The following MSANTD4 variants were observed in gnomAD, a reference collection of about 807,000 sequenced individuals.
The protein encoded by MSANTD4 is myb/SANT-like DNA-binding domain-containing protein 4.
Under a neutral mutation model 34.3 loss-of-function variants are expected in MSANTD4, and 13 were observed. The observed-to-expected ratio is 0.38, with a 90% CI of 0.25 to 0.60. MSANTD4 has a LOEUF of 0.60. MSANTD4 is among the 20% of genes least tolerant of loss of function. The pLI is 0.63. For synonymous variants in MSANTD4, 137 were observed against 145.2 expected (o/e 0.94, Z 0.41); for missense variants, 358 against 401.8 (o/e 0.89, Z 0.93).
intron 1 of MSANTD4, among the ~76,000 whole-genome samples, chr11:106,015,386 C>G (rs886838247): frequency 2.6e-5 from 4 of 152,206 alleles, no homozygotes; most frequent in African/African-American, 9.7e-5. Flanking sequence ...AGAACAGTTC[C>G]TGGTGCACAT....
At chr11:106,015,856 A>G (rs1478482526) in intron 1 of MSANTD4, among the ~76,000 whole-genome samples, 1 of 152,126 alleles carries the variant, frequency 6.6e-6, no homozygotes, top group African/African-American at 2.4e-5. Context: ...ACACTGTAGA[A>G]TGCTTATAAT....
rs772852534 is a variant in MSANTD4, at chr11:106,009,924, G to A, written c.649C>T (p.Arg217Ter). Residue 217 changes from arginine (R) to a stop codon, truncating the protein, a stop_gained, in exon 3 of 3, where the codon CGA (arginine) becomes TGA (stop). Coordinates refer to ENST00000301919, the MANE Select transcript of MSANTD4 (RefSeq NM_032424.3). LOFTEE classifies it high-confidence loss of function. ...IEKQKLELEKRRLDIEAERLQ... is the reference protein window; with the variant it reads ...IEKQKLELEK Reference sequence around the variant, plus strand: ...CTTTCGGCCTCGATATCCAGTCGTCGTTTTTCCAACTCTAGTTTCTGTTTC... The same window carrying A: ...CTTTCGGCCTCGATATCCAGTCGTCATTTTTCCAACTCTAGTTTCTGTTTC... 5 of 1,613,632 alleles carry A rather than the reference G, an allele frequency of 3.1e-6. No individual in the cohort carries two copies. Among genetic ancestry groups the A allele is most frequent in the South Asian group, 2.2e-5 (2 of 91,014 alleles).
intron 1 of MSANTD4, among the ~76,000 whole-genome samples, chr11:106,012,469 A>G (rs906021773): frequency 6.6e-6 from 1 of 152,352 alleles, no homozygotes; most frequent in Non-Finnish European, 1.5e-5. Flanking sequence ...GAAAGTACGT[A>G]TACTTGGAGT....
chr11:106,012,050 A>G (rs1169659786), intron 1 of MSANTD4, among the ~76,000 whole-genome samples: 1 of 152,098 alleles, frequency 6.6e-6, no homozygotes, highest in African/African-American at 2.4e-5. Context: ...TTAAAGGGGT[A>G]ACAAAAAAAT....
chr11:106,010,854 T>C lies in MSANTD4; in HGVS notation c.64A>G (p.Lys22Glu). Residue 22 changes from lysine to glutamate, a missense_variant, in exon 2 of 3, where the codon AAA becomes GAA. Physicochemically the swap from Lys to Glu is moderately conservative, Grantham distance 56 (BLOSUM62 1). Around this residue, in one of 2 missense-constraint regions of MSANTD4, gnomAD observed 46 missense variants for 84.3 expected, o/e 0.55. Transcript: ENST00000301919. ...ACTTCTTTCCTTTTCGTAATTTCTT[T>C]CAAAAGGGTCTGAGTTTCTTGAACA... is the stretch of plus-strand genomic sequence containing the variant. ...FSVQETQTLLKEITKRKEVIF... is the reference protein window; with the variant it reads ...FSVQETQTLLEEITKRKEVIF... The C allele has an allele frequency of 6.2e-7, 1 of 1,613,960 alleles. No homozygotes were observed. The highest frequency in any genetic ancestry group is 8.5e-7 in the Non-Finnish European group (1 of 1,179,962).
intron 1 of MSANTD4, among the ~76,000 whole-genome samples, chr11:106,018,064 T>C (rs1481068806): frequency 2.0e-5 from 3 of 151,924 alleles, no homozygotes; most frequent in East Asian, 1.9e-4. Context: ...CACTGTTCAA[T>C]AGAAATACAA....
chr11:106,012,668 C>A (rs995876346), intron 1 of MSANTD4, among the ~76,000 whole-genome samples: 1 of 152,144 alleles, frequency 6.6e-6, no homozygotes, highest in Non-Finnish European at 1.5e-5. Context: ...ACTTTTTAGG[C>A]TCCTCTCCAG....
At position 106,010,633 on chromosome 11, in the gene MSANTD4, T is replaced by C; in HGVS notation, c.285A>G (p.Gly95=). The C allele has an allele frequency of 6.2e-7, 1 of 1,614,164 alleles. No homozygotes were observed. The highest frequency in any genetic ancestry group is 8.5e-7 in the Non-Finnish European group (1 of 1,180,018). The change falls in exon 2 of 3, where the codon GGA becomes GGG. Residue 95 remains glycine (G), a synonymous_variant. Coordinates refer to ENST00000301919, the MANE Select transcript of MSANTD4 (RefSeq NM_032424.3). The part of the protein sequence containing the change: ...MKANIKLVGS[G]FPLPSSDLDD... ...CCAAATCAGAGGAGGGAAGGGGAAA[T>C]CCTGAACCAACCAGCTTAATGTTGG...
intron 2 of MSANTD4, 27 bp downstream of exon 2, chr11:106,010,427 TAA>T (rs1565387211): frequency 6.4e-7 from 1 of 1,562,528 alleles, no homozygotes; most frequent in East Asian, 2.3e-5. Context: ...TTGAAAAGAT[TAA>T]AAGAGGGTAC....
intron 1 of MSANTD4, among the ~76,000 whole-genome samples, chr11:106,012,493 AT>A (rs1404530975): frequency 6.6e-6 from 1 of 152,188 alleles, no homozygotes; most frequent in Non-Finnish European, 1.5e-5. Context: ...CATTAAATAA[AT>A]TTTAAAATAT....
intron 1 of MSANTD4, among the ~76,000 whole-genome samples, chr11:106,014,105 T>G (rs1352386794): frequency 6.6e-6 from 1 of 152,212 alleles, no homozygotes; most frequent in African/African-American, 2.4e-5. Context: ...TGCAAACATA[T>G]GCAACACTTA....
intron 1 of MSANTD4, among the ~76,000 whole-genome samples, chr11:106,019,817 A>C (rs896091985): frequency 6.6e-6 from 1 of 152,252 alleles, no homozygotes; most frequent in African/African-American, 2.4e-5. Flanking sequence ...TGAAGTCTGT[A>C]ACCTGAAGGT....
Position 106,011,060 on chromosome 11 carries a change from G to A in MSANTD4, c.-143C>T, listed in dbSNP as rs1859676600. ...ATTCATCTAGTGGCAAGGCAGTCTGGATAATTCCTAAAAGGAAAAAAGTAC... is the reference window on the plus strand; with the variant it reads ...ATTCATCTAGTGGCAAGGCAGTCTGAATAATTCCTAAAAGGAAAAAAGTAC... On this transcript the variant is annotated 5_prime_UTR_variant, in exon 2 of 3. Transcript: ENST00000301919. The A allele has an allele frequency of 3.6e-6, 5 of 1,379,188 alleles. No homozygotes were observed. The highest frequency in any genetic ancestry group is 4.7e-6 in the Non-Finnish European group (5 of 1,060,378). 85.4% of individuals were successfully genotyped at this position (1,379,188 alleles called of 1,614,324 possible).
Position 106,015,235 on chromosome 11 carries a change from G to A in MSANTD4, c.-150-4168C>T, listed in dbSNP as rs141915535. On this transcript the variant is annotated intron_variant, in intron 1 of 2. Coordinates refer to ENST00000301919, the MANE Select transcript of MSANTD4 (RefSeq NM_032424.3). ...CACAGATTCTGGAGTCAGACCACCCGGGTTAGAGTCCTGGCTCTGGCAATT... is the reference window on the plus strand; with the variant it reads ...CACAGATTCTGGAGTCAGACCACCCAGGTTAGAGTCCTGGCTCTGGCAATT... 6.3e-4 allele frequency among the ~76,000 whole-genome samples: 96 copies of A among 152,220 alleles called. 1 individual carries two copies. The East Asian group carries it at 0.015, about 24-fold the overall frequency.
chr11:106,011,052 G>A lies in MSANTD4; in HGVS notation c.-135C>T. On this transcript the variant is annotated 5_prime_UTR_variant, in exon 2 of 3. Transcript: ENST00000301919. ...TGTCTTCCATTCATCTAGTGGCAAG[G>A]CAGTCTGGATAATTCCTAAAAGGAA... 1 of 1,403,240 alleles carries A rather than the reference G, an allele frequency of 7.1e-7. No homozygotes were observed. Among genetic ancestry groups the A allele is most frequent in the South Asian group, 1.6e-5 (1 of 61,822 alleles). The allele number at this position is 1,403,240 out of a possible 1,614,324, so 86.9% of individuals were successfully genotyped here.
At chr11:106,015,911 T>C (rs1393336197) in intron 1 of MSANTD4, among the ~76,000 whole-genome samples, 1 of 152,208 alleles carries the variant, frequency 6.6e-6, no homozygotes, top group African/African-American at 2.4e-5. Context: ...TTCCCCAGAC[T>C]GGAGTACAGT....
At chr11:106,014,995 T>C (rs1859805158) in intron 1 of MSANTD4, among the ~76,000 whole-genome samples, 1 of 152,222 alleles carries the variant, frequency 6.6e-6, no homozygotes. Context: ...ACTTATAGAC[T>C]TTGAAAATTT....
At position 106,010,552 on chromosome 11, in the gene MSANTD4, A is replaced by T; in HGVS notation, c.366T>A (p.Asn122Lys). 6.2e-7 allele frequency: 1 copy of T among 1,614,150 alleles called. No individual in the cohort carries two copies. Among genetic ancestry groups the T allele is most frequent in the Non-Finnish European group, 8.5e-7 (1 of 1,180,018 alleles). The change falls in exon 2 of 3, where the codon AAT becomes AAA. Residue 122 changes from asparagine to lysine, a missense_variant. Around this residue, in one of 2 missense-constraint regions of MSANTD4, gnomAD observed 312 missense variants for 317.6 expected, o/e 0.98. Transcript: ENST00000301919. ...AATCTGCCACATTTTGCCAGTCAAA[A>T]TTTGCATCATTTCGGAATCCAATCT... is the stretch of plus-strand genomic sequence containing the variant. ...DEKIGFRNDA[N>K]FDWQNVADFR...
At chr11:106,014,760 A>G (rs1859799550) in intron 1 of MSANTD4, among the ~76,000 whole-genome samples, 1 of 152,226 alleles carries the variant, frequency 6.6e-6, no homozygotes, top group Non-Finnish European at 1.5e-5. Context: ...AATAACATCA[A>G]CAAATATATG....
Sources: gnomAD v4.1 joint callset for allele counts (sites outside exome capture counted in the v4.1 genomes callset) on GRCh38, gnomAD v4.1.1 for gene constraint, gnomAD v4.1.1 regional missense constraint, MANE v1.5 for transcripts, NCBI Gene and HGNC (gene_info 2026-07-23, HGNC 2026-07-21) for gene names.